The following FGFR1 variants were observed in gnomAD, a reference collection of about 807,000 sequenced individuals.
FGFR1 encodes FGFR1/PLAG1 fusion.
In FGFR1, 18 loss-of-function variants were observed where a neutral mutation model predicts 93.7. The ratio of observed to expected loss-of-function variants is 0.19; its 90% confidence interval spans 0.13 to 0.28. The LOEUF (loss-of-function observed/expected upper bound fraction) is 0.28. Ranked by LOEUF, FGFR1 falls within the 10% of genes least tolerant of loss-of-function variation. The pLI, the probability that FGFR1 is intolerant of heterozygous loss-of-function variation, is 1.00. For missense variants in FGFR1, 731 were observed against 1,080.4 expected, an observed-to-expected ratio of 0.68 and a Z score of 4.53; for synonymous variants, 448 against 429.3, an observed-to-expected ratio of 1.04 and a Z score of -0.54.
chr8:38,411,774 C>CA lies in FGFR1; in HGVS notation c.*1853dup, dbSNP rs2150478626. 1 of 230,968 alleles carries CA rather than the reference C, an allele frequency of 4.3e-6. No individual in the cohort carries two copies. Among genetic ancestry groups the CA allele is most frequent in the Non-Finnish European group, 8.6e-6 (1 of 116,364 alleles). 14.3% of individuals were successfully genotyped at this position (230,968 alleles called of 1,614,324 possible). ...AGTAAATTCCAAGCAGCCAAAAAAC[C>CA]AAAAACATTCGGAGAATTTTCCCCC... On this transcript the variant is annotated 3_prime_UTR_variant, in exon 18 of 18. Coordinates refer to ENST00000447712, the MANE Select transcript of FGFR1 (RefSeq NM_023110.3).
In FGFR1 at chr8:38,414,022, A is replaced by G. The variant is rs2150524114; in HGVS notation, c.2188T>C (p.Tyr730His). 2 of 1,613,834 alleles carry G rather than the reference A, an allele frequency of 1.2e-6. No homozygotes were observed. The highest frequency in any genetic ancestry group is 1.7e-6 in the Non-Finnish European group (2 of 1,179,918). Residue 730 changes from tyrosine (Y) to histidine (H), a missense_variant and splice_region_variant, in exon 17 of 18, where the codon TAC becomes CAC. Transcript: ENST00000447712. ...TGCCAGCAGTCCCGCATCATCATGT[A>G]CCTGCGGCAGGACTGTAAGGTCAGG... ...DKPSNCTNEL[Y>H]MMMRDCWHAV... is the part of the protein sequence containing the mutation.
chr8:38,423,996 A>T, intron 7 of FGFR1: 1 of 223,248 alleles, frequency 4.5e-6, no homozygotes, highest in Non-Finnish European at 9.1e-6. Context: ...AATGTCTGGG[A>T]GTGAGAGGAA....
At chr8:38,434,509 G>C (rs1824523397) in intron 2 of FGFR1, 1 of 371,154 alleles carries the variant, frequency 2.7e-6, no homozygotes. Flanking sequence ...ATCTGGAAAC[G>C]ATCCCATGTC....
chr8:38,422,299 A>G (rs554938860), intron 7 of FGFR1: 41 of 455,596 alleles, frequency 9.0e-5, no homozygotes, highest in African/African-American at 6.2e-4. Flanking sequence ...GAAGGTGAAC[A>G]CAGGAGGGAT....
rs1563628879 is a variant in FGFR1, at chr8:38,457,510, C to A, written c.-64G>T. 1 of 1,605,966 alleles carries A rather than the reference C, an allele frequency of 6.2e-7. No homozygotes were observed. The highest frequency in any genetic ancestry group is 8.5e-7 in the Non-Finnish European group (1 of 1,176,656). Reference sequence around the variant, plus strand: ...ATCTCCATGGATACTCCACAGTGAGCTCGATCCTCCTTTTCAAACTGACCC... The same window carrying A: ...ATCTCCATGGATACTCCACAGTGAGATCGATCCTCCTTTTCAAACTGACCC... On this transcript the variant is annotated 5_prime_UTR_variant, in exon 2 of 18. Transcript: ENST00000447712.
intron 2 of FGFR1, among the ~76,000 whole-genome samples, chr8:38,447,151 A>ACC (rs1554585314): frequency 5.5e-4 from 71 of 128,232 alleles, no homozygotes; most frequent in African/African-American, 1.4e-3. Flanking sequence ...ACACACACAC[A>ACC]CCCCTGACAA....
rs1835949886 is a variant in FGFR1 at position 38,468,199 on chromosome 8, A to G, written c.-307T>C. 2 of 228,198 alleles carry G rather than the reference A, an allele frequency of 8.8e-6. No individual in the cohort carries two copies. The highest frequency in any genetic ancestry group is 1.7e-5 in the Non-Finnish European group (2 of 114,812). The allele number at this position is 228,198 out of a possible 1,614,324, so 14.1% of individuals were successfully genotyped here. A position where few individuals can be genotyped will look rare whatever the true frequency, so the allele number is the denominator to read the frequency against. ...AATGGAGCCGGAGCTGGTGCCCCGG[A>G]GGCGGGGCGGGGGGAGGGCTCCCGT... is the stretch of plus-strand genomic sequence containing the variant. On this transcript the variant is annotated 5_prime_UTR_variant, in exon 1 of 18. Transcript: ENST00000447712.
rs1336162312 is a variant in FGFR1, at chr8:38,426,302, T to G, written c.622-57A>C. 1.6e-5 allele frequency: 26 copies of G among 1,610,484 alleles called. No individual in the cohort carries two copies. Among genetic ancestry groups the G allele is most frequent in the Non-Finnish European group, 2.0e-5 (24 of 1,179,346 alleles). Reference sequence around the variant, plus strand: ...GGTCCAGAGGAAAATGCAGGCCCCATGACAATGTCGGCACCCCGTGGCACC... The same window carrying G: ...GGTCCAGAGGAAAATGCAGGCCCCAGGACAATGTCGGCACCCCGTGGCACC... On this transcript the variant is annotated intron_variant, in intron 5 of 17. Coordinates refer to ENST00000447712, the MANE Select transcript of FGFR1 (RefSeq NM_023110.3). The surrounding 1 kb of genome is among the most constrained non-coding windows in gnomAD (Gnocchi z 4.1).
chr8:38,455,344 G>A (rs766893949), intron 2 of FGFR1, among the ~76,000 whole-genome samples: 12 of 152,096 alleles, frequency 7.9e-5, no homozygotes, highest in Admixed American at 4.6e-4. Context: ...GCAGTGGCGC[G>A]ATCTCAGCTC....
intron 1 of FGFR1, among the ~76,000 whole-genome samples, chr8:38,460,164 C>T (rs967636823): frequency 4.6e-5 from 7 of 152,208 alleles, no homozygotes; most frequent in Non-Finnish European, 5.9e-5. Flanking sequence ...GCCTGGGTGA[C>T]GGAGTGAGAC....
At chr8:38,417,540 C>T in intron 11 of FGFR1, 124 bp from the exon 12 acceptor site, 2 of 868,426 alleles carry the variant, frequency 2.3e-6, no homozygotes, top group Admixed American at 2.0e-5. Context: ...CTCCCCACTT[C>T]ATCCAAACTT....
chr8:38,466,528 C>A (rs991937843), intron 1 of FGFR1: 1 of 230,882 alleles, frequency 4.3e-6, no homozygotes, highest in Non-Finnish European at 8.6e-6. Context: ...AGCACCCGGA[C>A]CGCCGCCACC....
intron 1 of FGFR1, among the ~76,000 whole-genome samples, chr8:38,464,090 G>A (rs530041028): frequency 2.0e-5 from 3 of 152,058 alleles, no homozygotes; most frequent in Admixed American, 6.6e-5. Context: ...CGAGGCCAGC[G>A]GATTGCTTGA....
Position 38,415,914 on chromosome 8 carries a change from C to T in FGFR1, c.1810G>A (p.Ala604Thr), listed in dbSNP as rs1412996644. The T allele has an allele frequency of 3.1e-6, 5 of 1,614,006 alleles. No homozygotes were observed. The highest frequency in any genetic ancestry group is 1.7e-5 in the Admixed American group (1 of 60,020). ...TCCATGCCTCGGGCCACCTGGTAGG[C>T]GCAGGACACCAGGTCCTTGGAGGAG... ...QLSSKDLVSC[A>T]YQVARGMEYL... The change falls in exon 13 of 18, where the codon GCC becomes ACC. Residue 604 changes from alanine to threonine, a missense_variant. Physicochemically the swap from Ala to Thr is moderately conservative, Grantham distance 58. Around this residue, in one of 10 missense-constraint regions of FGFR1, gnomAD observed 39 missense variants for 39.2 expected, o/e 1.00. Coordinates refer to ENST00000447712, the MANE Select transcript of FGFR1 (RefSeq NM_023110.3).
chr8:38,418,133 T>C (rs1273508625), intron 10 of FGFR1, 95 bp downstream of exon 10: 65 of 1,608,148 alleles, frequency 4.0e-5, no homozygotes, highest in Non-Finnish European at 5.5e-5. Context: ...TTCATGAACC[T>C]TCACCGCCCA....
Position 38,411,739 on chromosome 8 carries a change from A to G in FGFR1, c.*1889T>C, listed in dbSNP as rs1814472946. 1 of 231,176 alleles carries G rather than the reference A, an allele frequency of 4.3e-6. No individual in the cohort carries two copies. The highest frequency in any genetic ancestry group is 2.2e-5 in the African/African-American group (1 of 45,226). The allele number at this position is 231,176 out of a possible 1,614,324, so 14.3% of individuals were successfully genotyped here. ...CTTAGTGAGGACAGTGATGACCAGC[A>G]GGTGGCAGAAGTAAATTCCAAGCAG... On this transcript the variant is annotated 3_prime_UTR_variant, in exon 18 of 18. Coordinates refer to ENST00000447712, the MANE Select transcript of FGFR1 (RefSeq NM_023110.3).
At chr8:38,440,187 C>T (rs1012730321) in intron 2 of FGFR1, 7 of 825,124 alleles carry the variant, frequency 8.5e-6, no homozygotes, top group African/African-American at 3.4e-5. Flanking sequence ...GGGAGGAACT[C>T]GGGGTGGCTT....
rs767953986 is a variant in FGFR1, at chr8:38,413,900, T to C, written c.2292+18A>G. On this transcript the variant is annotated intron_variant, in intron 17 of 17. Coordinates refer to ENST00000447712, the MANE Select transcript of FGFR1 (RefSeq NM_023110.3). The surrounding 1 kb of genome is among the most constrained non-coding windows in gnomAD (Gnocchi z 4.2). ...GTGGGGACGGCCTGAGCTCTGGCTC[T>C]GGCACGGGCAGCCTTACCTGGTTGG... 2 of 1,613,244 alleles carry C rather than the reference T, an allele frequency of 1.2e-6. No individual in the cohort carries two copies. Among genetic ancestry groups the C allele is most frequent in the Non-Finnish European group, 1.7e-6 (2 of 1,179,458 alleles).
At chr8:38,439,174 G>A (rs937030943) in intron 2 of FGFR1, among the ~76,000 whole-genome samples, 1 of 152,184 alleles carries the variant, frequency 6.6e-6, no homozygotes, top group East Asian at 1.9e-4. Flanking sequence ...TCACAAAACA[G>A]GGACAAGCTC....
Sources: allele counts gnomAD v4.1 joint callset (sites outside exome capture counted in the v4.1 genomes callset), GRCh38; gene constraint gnomAD v4.1.1; regional missense constraint gnomAD v4.1.1; non-coding constraint Gnocchi (gnomAD v3.1); transcripts MANE v1.5; gene names NCBI Gene and HGNC (gene_info 2026-07-23, HGNC 2026-07-21).